The following CNTNAP5 variants were observed in gnomAD, a reference collection of about 807,000 sequenced individuals.
The protein encoded by CNTNAP5 is contactin associated protein family member 5.
A neutral mutation model predicts 150.2 loss-of-function variants in CNTNAP5; 72 were observed. The ratio of observed to expected loss-of-function variants is 0.48; its 90% CI spans 0.40 to 0.58. CNTNAP5 has a LOEUF of 0.58. Ranked by LOEUF, CNTNAP5 falls within the 20% of genes least tolerant of loss-of-function variation. CNTNAP5 has a pLI of 0.00. For synonymous variants in CNTNAP5, 672 were observed against 619.8 expected, an observed-to-expected ratio of 1.08 and a Z score of -1.25; for missense variants, 1,636 against 1,626.2, an observed-to-expected ratio of 1.01 and a Z score of -0.10.
chr2:124,750,440 C>A (rs1178705876), intron 14 of CNTNAP5, among the ~76,000 whole-genome samples: 1 of 152,160 alleles, frequency 6.6e-6, no homozygotes, highest in African/African-American at 2.4e-5. Flanking sequence ...TGTCTTAGTG[C>A]AAGTCATAGC....
chr2:124,813,282 T>G (rs183246878), intron 19 of CNTNAP5, among the ~76,000 whole-genome samples: 1 of 152,196 alleles, frequency 6.6e-6, no homozygotes, highest in East Asian at 1.9e-4. Context: ...TTTCACCATT[T>G]TAGCCAGGAT....
intron 4 of CNTNAP5, among the ~76,000 whole-genome samples, chr2:124,428,345 G>A (rs548701235): frequency 3.9e-5 from 6 of 152,184 alleles, no homozygotes; most frequent in Admixed American, 2.0e-4. Flanking sequence ...GTAGAATTGC[G>A]TGCTTGCTCT....
chr2:124,665,906 A>C (rs1208865476), intron 13 of CNTNAP5, among the ~76,000 whole-genome samples: 1 of 151,874 alleles, frequency 6.6e-6, no homozygotes, highest in Non-Finnish European at 1.5e-5. Context: ...AAAATTATAC[A>C]TATTTATTGA....
At chr2:124,860,078 G>T (rs1309347820) in intron 19 of CNTNAP5, among the ~76,000 whole-genome samples, 2 of 151,964 alleles carry the variant, frequency 1.3e-5, no homozygotes, top group East Asian at 3.9e-4. Context: ...TAGGCCTGGT[G>T]TGGTGACTCA....
chr2:124,642,571 G>A lies in CNTNAP5; in HGVS notation c.1877-5187G>A, dbSNP rs372056265. ...GAAAAGAGTGCACAGACTTCACTGC[G>A]CAGGGCTCTCTAATAACCTCTACCC... On this transcript the variant is annotated intron_variant, in intron 12 of 23. Coordinates refer to ENST00000682447, the MANE Select transcript of CNTNAP5 (RefSeq NM_001367498.1). 8.5e-5 allele frequency among the ~76,000 whole-genome samples: 13 copies of A among 152,118 alleles called. No individual in the cohort carries two copies. The East Asian group carries it at 1.2e-3, about 14-fold the overall frequency.
At chr2:124,327,456 G>A (rs867601419) in intron 3 of CNTNAP5, among the ~76,000 whole-genome samples, 2 of 152,120 alleles carry the variant, frequency 1.3e-5, no homozygotes, top group African/African-American at 4.8e-5. Flanking sequence ...CATGATGGAA[G>A]TGGGGTTTTG....
rs992493836 is a variant in CNTNAP5 at position 124,645,943 on chromosome 2, A to G, written c.1877-1815A>G. Among the ~76,000 whole-genome samples the G allele has an allele frequency of 2.6e-5, 4 of 152,206 alleles. No homozygotes were observed. The East Asian group carries it at 7.8e-4, about 30-fold the overall frequency. ...TGAATGGAAGGTGCCATGCACTTTAAACAACCAGATGTCACTGTCGCAAAG... is the reference window on the plus strand; with the variant it reads ...TGAATGGAAGGTGCCATGCACTTTAGACAACCAGATGTCACTGTCGCAAAG... On this transcript the variant is annotated intron_variant, in intron 12 of 23. Coordinates refer to ENST00000682447, the MANE Select transcript of CNTNAP5 (RefSeq NM_001367498.1).
At chr2:124,462,844 C>T (rs759696167) in intron 6 of CNTNAP5, among the ~76,000 whole-genome samples, 3 of 152,216 alleles carry the variant, frequency 2.0e-5, no homozygotes, top group African/African-American at 7.2e-5. Flanking sequence ...GACAGATAGA[C>T]ATCCATTCAC....
intron 19 of CNTNAP5, among the ~76,000 whole-genome samples, chr2:124,805,775 C>T (rs985405107): frequency 3.3e-5 from 5 of 152,160 alleles, no homozygotes; most frequent in Non-Finnish European, 5.9e-5. Flanking sequence ...GCAGTGTTGG[C>T]GTCTGTTGAG....
intron 6 of CNTNAP5, among the ~76,000 whole-genome samples, chr2:124,451,221 C>T (rs1429767924): frequency 1.3e-5 from 2 of 150,378 alleles, no homozygotes; most frequent in Non-Finnish European, 3.0e-5. Context: ...AATATATTTT[C>T]AATGAAAATT....
intron 3 of CNTNAP5, among the ~76,000 whole-genome samples, chr2:124,251,467 CTT>C (rs11311025): frequency 0.038 from 5,405 of 142,972 alleles, 147 homozygotes; most frequent in Middle Eastern, 0.064. Flanking sequence ...GCTGTGGGTG[CTT>C]TTTTTTTTTT....
At chr2:124,677,655 C>A (rs1362614742) in intron 13 of CNTNAP5, among the ~76,000 whole-genome samples, 1 of 151,368 alleles carries the variant, frequency 6.6e-6, no homozygotes, top group African/African-American at 2.4e-5. Flanking sequence ...CTGATTGGTG[C>A]GTTTTTAGAG....
intron 1 of CNTNAP5, among the ~76,000 whole-genome samples, chr2:124,073,551 T>C (rs1013126627): frequency 6.6e-5 from 10 of 151,942 alleles, no homozygotes; most frequent in Admixed American, 5.9e-4. Flanking sequence ...TTTTCTCAGA[T>C]AAGACATAAA....
intron 21 of CNTNAP5, among the ~76,000 whole-genome samples, chr2:124,893,218 A>G (rs1015918908): frequency 3.3e-5 from 5 of 152,064 alleles, no homozygotes; most frequent in African/African-American, 1.2e-4. Flanking sequence ...TGGGCACCTT[A>G]TTTAATGTCT....
intron 3 of CNTNAP5, among the ~76,000 whole-genome samples, chr2:124,357,300 C>T (rs894154207): frequency 6.6e-6 from 1 of 152,132 alleles, no homozygotes; most frequent in Non-Finnish European, 1.5e-5. Flanking sequence ...TGCAGAAGCT[C>T]TTTACTTTAA....
chr2:124,322,968 G>A (rs899452502), intron 3 of CNTNAP5, among the ~76,000 whole-genome samples: 35 of 152,168 alleles, frequency 2.3e-4, no homozygotes, highest in African/African-American at 8.2e-4. Flanking sequence ...ATTAGACTAT[G>A]CTTCTTCAGT....
intron 19 of CNTNAP5, 42 bp downstream of exon 19, chr2:124,798,362 G>C (rs201522316): frequency 1.4e-6 from 2 of 1,434,248 alleles, no homozygotes; most frequent in Admixed American, 3.4e-5. Flanking sequence ...CTCAGCCTGG[G>C]CTGGAGGGAC....
chr2:124,410,617 T>G (rs1448369365), intron 3 of CNTNAP5, among the ~76,000 whole-genome samples: 1 of 148,768 alleles, frequency 6.7e-6, no homozygotes, highest in Non-Finnish European at 1.5e-5. Flanking sequence ...AACAACCTGC[T>G]CCTGAATGAC....
chr2:124,630,315 A>C (rs1677824971), intron 12 of CNTNAP5, among the ~76,000 whole-genome samples: 1 of 152,122 alleles, frequency 6.6e-6, no homozygotes, highest in South Asian at 2.1e-4. Context: ...ATTGATACAA[A>C]AATCTCCAAC....
Sources: gnomAD v4.1 joint callset for allele counts (sites outside exome capture counted in the v4.1 genomes callset) on GRCh38, gnomAD v4.1.1 for gene constraint, MANE v1.5 for transcripts, NCBI Gene and HGNC (gene_info 2026-07-23, HGNC 2026-07-21) for gene names.